RALGPS1: variants seen among roughly 807,000 people sequenced by gnomAD.
RALGPS1 encodes the protein Ral GEF with PH domain and SH3 binding motif 1.
A neutral mutation model predicts 78.8 loss-of-function variants in RALGPS1; 19 were observed. The observed-to-expected ratio is 0.24, with a 90% confidence interval of 0.17 to 0.35. RALGPS1 has a LOEUF of 0.35. RALGPS1 is among the 10% of genes least tolerant of loss of function. RALGPS1 has a pLI of 1.00. For missense variants in RALGPS1, 454 were observed against 688.3 expected (o/e 0.66, Z 3.81); for synonymous variants, 228 against 256.3 (o/e 0.89, Z 1.06).
chr9:127,088,743 G>A (rs1342228040), intron 8 of RALGPS1: 1 of 635,990 alleles, frequency 1.6e-6, no homozygotes, highest in Non-Finnish European at 2.7e-6. Flanking sequence ...TGGTGTGAAG[G>A]AAAGTAGGAG....
chr9:127,078,922 C>T (rs2136090017), intron 8 of RALGPS1, among the ~76,000 whole-genome samples: 1 of 152,326 alleles, frequency 6.6e-6, no homozygotes, highest in South Asian at 2.1e-4. Context: ...ATCCTCTCAA[C>T]ACTCCTTCCT....
chr9:127,024,036 C>CAAAAAAAAAAAAAAAAAA (rs61549879), intron 4 of RALGPS1, among the ~76,000 whole-genome samples: 1 of 71,652 alleles, frequency 1.4e-5, no homozygotes, highest in African/African-American at 5.9e-5. Flanking sequence ...GACTCTGTCT[C>CAAAAAAAAAAAAAAAAAA]AAAAAAAAAA....
At chr9:126,937,301 TCTCCAATAC>T (rs1423234691) in intron 1 of RALGPS1, among the ~76,000 whole-genome samples, 1 of 152,128 alleles carries the variant, frequency 6.6e-6, no homozygotes, top group Admixed American at 6.5e-5. Flanking sequence ...CTAAACCATT[TCTCCAATAC>T]CTAAGGCTTT....
chr9:126,983,269 A>G (rs1243888693), intron 4 of RALGPS1, among the ~76,000 whole-genome samples: 2 of 152,086 alleles, frequency 1.3e-5, no homozygotes, highest in Non-Finnish European at 2.9e-5. Flanking sequence ...ATTGTTAACA[A>G]TTTTGAATAG....
intron 11 of RALGPS1, among the ~76,000 whole-genome samples, chr9:127,187,237 G>T (rs2060707799): frequency 1.3e-5 from 2 of 152,184 alleles, no homozygotes. Context: ...TTCCTCAAGG[G>T]TAGTAACTGG....
intron 8 of RALGPS1, among the ~76,000 whole-genome samples, chr9:127,163,500 T>C (rs2059131497): frequency 1.3e-5 from 2 of 152,242 alleles, no homozygotes; most frequent in Admixed American, 6.5e-5. Context: ...AAATGGCTCC[T>C]GTGAGAAGTA....
chr9:127,034,660 G>C lies in RALGPS1; in HGVS notation c.300+146G>C, dbSNP rs889572787. The C allele has an allele frequency of 5.7e-6, 4 of 697,962 alleles. No homozygotes were observed. In the African/African-American group the frequency reaches 7.1e-5, roughly 12 times the overall value. 43.2% of individuals were successfully genotyped at this position (697,962 alleles called of 1,614,324 possible). ...CATATGAGTCCCCCACCTTTATCCA[G>C]TTTTGTGCCATTATAGTCCATTTTC... On this transcript the variant is annotated intron_variant, in intron 5 of 18. Transcript: ENST00000259351.
chr9:127,004,361 G>T (rs1210469829), intron 4 of RALGPS1, among the ~76,000 whole-genome samples: 18 of 152,180 alleles, frequency 1.2e-4, no homozygotes, highest in Admixed American at 1.0e-3. Context: ...GGCCAGGCTG[G>T]TCTCAAACTC....
intron 4 of RALGPS1, among the ~76,000 whole-genome samples, chr9:127,017,215 C>A (rs1209734760): frequency 6.6e-6 from 1 of 152,174 alleles, no homozygotes; most frequent in African/African-American, 2.4e-5. Context: ...TGTGTACTTA[C>A]ACAAACCTAG....
At chr9:127,185,996 C>T (rs1008204236) in intron 11 of RALGPS1, among the ~76,000 whole-genome samples, 2 of 152,206 alleles carry the variant, frequency 1.3e-5, no homozygotes, top group African/African-American at 4.8e-5. Flanking sequence ...ATGGCAGACA[C>T]AGGTGGTGGA....
chr9:127,137,037 G>A (rs969377427), intron 8 of RALGPS1, among the ~76,000 whole-genome samples: 1 of 152,070 alleles, frequency 6.6e-6, no homozygotes, highest in South Asian at 2.1e-4. Context: ...TTGGGAGAGG[G>A]GTATATTTTT....
At chr9:127,059,458 C>T (rs1175964174) in intron 7 of RALGPS1, among the ~76,000 whole-genome samples, 1 of 152,200 alleles carries the variant, frequency 6.6e-6, no homozygotes. Context: ...GACATTGCTA[C>T]AACAATGGAC....
intron 4 of RALGPS1, among the ~76,000 whole-genome samples, chr9:127,016,024 G>A (rs944168435): frequency 1.3e-4 from 19 of 147,058 alleles, no homozygotes; most frequent in Admixed American, 1.2e-3. Context: ...TCTTCTCTCT[G>A]TCTCTTTTTC....
chr9:127,204,856 G>C (rs2140897140), intron 14 of RALGPS1, among the ~76,000 whole-genome samples: 1 of 152,344 alleles, frequency 6.6e-6, no homozygotes, highest in Non-Finnish European at 1.5e-5. Flanking sequence ...TTCCTTCCTT[G>C]AGAAGATCAG....
chr9:127,118,537 A>G (rs188405269), intron 8 of RALGPS1, among the ~76,000 whole-genome samples: 4 of 152,310 alleles, frequency 2.6e-5, no homozygotes, highest in Admixed American at 1.3e-4. Flanking sequence ...CTGGGTTTCA[A>G]TCTTTGCTTT....
At chr9:127,053,121 C>G (rs1223766050) in intron 7 of RALGPS1, among the ~76,000 whole-genome samples, 182 bp downstream of exon 7, 1 of 152,178 alleles carries the variant, frequency 6.6e-6, no homozygotes, top group African/African-American at 2.4e-5. Flanking sequence ...CATTTTGGCA[C>G]CAGGGAATGG....
intron 14 of RALGPS1, among the ~76,000 whole-genome samples, chr9:127,206,283 G>A (rs1314069357): frequency 1.3e-5 from 2 of 152,202 alleles, no homozygotes; most frequent in East Asian, 3.9e-4. Context: ...ATATTAGTCT[G>A]TTCTCACGCT....
At chr9:127,092,841 G>A (rs2052644867) in intron 8 of RALGPS1, among the ~76,000 whole-genome samples, 1 of 152,076 alleles carries the variant, frequency 6.6e-6, no homozygotes, top group Non-Finnish European at 1.5e-5. Context: ...GAGGTGGGGT[G>A]GGGGACAACC....
chr9:126,947,637 G>A (rs1453634262), intron 1 of RALGPS1, among the ~76,000 whole-genome samples: 1 of 152,208 alleles, frequency 6.6e-6, no homozygotes, highest in Non-Finnish European at 1.5e-5. Context: ...TGAGTGTTCA[G>A]ATCCTGGTTC....
Sources: gnomAD v4.1 joint callset for allele counts (sites outside exome capture counted in the v4.1 genomes callset) on GRCh38, gnomAD v4.1.1 for gene constraint, MANE v1.5 for transcripts, NCBI Gene and HGNC (gene_info 2026-07-23, HGNC 2026-07-21) for gene names.